STKLD1: variants seen among roughly 807,000 people sequenced by gnomAD.
The protein encoded by STKLD1 is serine/threonine kinase-like domain-containing protein STKLD1.
A neutral mutation model predicts 80.4 loss-of-function variants in STKLD1; 79 were observed. The ratio of observed to expected loss-of-function variants is 0.98; its 90% CI spans 0.82 to 1.19. The LOEUF (loss-of-function observed/expected upper bound fraction) is 1.19, where lower values mean the gene tolerates loss of function less well. Among genes scored for constraint, STKLD1 ranks in the 50% most tolerant of loss-of-function variants. The pLI is 0.00. For synonymous variants in STKLD1, 393 were observed against 357.6 expected (o/e 1.10, Z -1.12); for missense variants, 841 against 856.0 (o/e 0.98, Z 0.22).
In STKLD1 at chr9:133,389,911, A is replaced by C. The variant is rs2130285397; in HGVS notation, c.467+315A>C. 4.6e-5 allele frequency among the ~76,000 whole-genome samples: 7 copies of C among 152,342 alleles called. No individual in the cohort carries two copies. The South Asian group carries it at 1.4e-3, about 32-fold the overall frequency. On this transcript the variant is annotated intron_variant, in intron 6 of 17. Coordinates refer to ENST00000371957, the MANE Select transcript of STKLD1 (RefSeq NM_153710.5). The surrounding 1 kb of genome is among the most constrained non-coding windows in gnomAD (Gnocchi z 6.4). The stretch of plus-strand genomic sequence containing the variant: ...AGACCGGGTTGCCTGCCGTGGGGCC[A>C]GTGTGGGCTGAGTGGGCCCTGCTGA...
chr9:133,386,066 G>T (rs587720307), intron 4 of STKLD1, among the ~76,000 whole-genome samples: 1 of 152,026 alleles, frequency 6.6e-6, no homozygotes, highest in Non-Finnish European at 1.5e-5. Flanking sequence ...TTACAGGCGC[G>T]TGCCATGATG....
In STKLD1 at chr9:133,405,320, A is replaced by G; in HGVS notation, c.1942A>G (p.Thr648Ala). ...ALLQEIKERFTSSLVSDSSAF... is the reference protein window; with the variant it reads ...ALLQEIKERFASSLVSDSSAF... ...GCTCCAGGAGATCAAGGAGCGCTTC[A>G]CCTCCAGCCTGGTGAGTGACAGCAG... The change falls in exon 18 of 18, where the codon ACC (threonine) becomes GCC (alanine). Residue 648 changes from threonine (T) to alanine (A), a missense_variant. Physicochemically the swap from Thr to Ala is moderately conservative, Grantham distance 58. Transcript: ENST00000371957. 6.2e-7 allele frequency: 1 copy of G among 1,612,778 alleles called. No homozygotes were observed. Among genetic ancestry groups the G allele is most frequent in the Non-Finnish European group, 8.5e-7 (1 of 1,179,872 alleles).
Position 133,401,703 on chromosome 9 carries a change from G to A in STKLD1, c.1199-35G>A. Reference sequence around the variant, plus strand: ...GTCTGGCCCCATGCCTGAGCTGTGGGGCTAACCCCAGGCGTCTTCCTCTGG... The same window carrying A: ...GTCTGGCCCCATGCCTGAGCTGTGGAGCTAACCCCAGGCGTCTTCCTCTGG... On this transcript the variant is annotated intron_variant, in intron 12 of 17. Transcript: ENST00000371957. 10 of 1,597,646 alleles carry A rather than the reference G, an allele frequency of 6.3e-6. No individual in the cohort carries two copies. In the South Asian group the frequency reaches 6.7e-5, roughly 11 times the overall value.
At chr9:133,393,335 G>C (rs1838465415) in intron 7 of STKLD1, among the ~76,000 whole-genome samples, 1 of 136,730 alleles carries the variant, frequency 7.3e-6, no homozygotes, top group African/African-American at 2.8e-5. Flanking sequence ...TGGATGGATA[G>C]GTGGGTGGGT....
Position 133,403,684 on chromosome 9 carries a change from C to T in STKLD1, c.1475-16C>T. 6.2e-7 allele frequency: 1 copy of T among 1,610,600 alleles called. No homozygotes were observed. The highest frequency in any genetic ancestry group is 1.3e-5 in the African/African-American group (1 of 75,030). On this transcript the variant is annotated splice_polypyrimidine_tract_variant and intron_variant, in intron 14 of 17. Coordinates refer to ENST00000371957, the MANE Select transcript of STKLD1 (RefSeq NM_153710.5). ...CAAGGCCTGGGTGTCCCCTTCCATC[C>T]CTGTCCTCGTTCCAGGTATCATTGT...
chr9:133,384,042 T>C lies in STKLD1; in HGVS notation c.219+142T>C. On this transcript the variant is annotated intron_variant, in intron 3 of 17. Coordinates refer to ENST00000371957, the MANE Select transcript of STKLD1 (RefSeq NM_153710.5). This position sits in a 1 kb window ranked among gnomAD's most constrained non-coding sequence, Gnocchi z 4.3. ...ATCAGCACCAGTTTTGCCTCAGCTGTGAAGCCAGCAGCCCCAGGTCATGAA... is the reference window on the plus strand; with the variant it reads ...ATCAGCACCAGTTTTGCCTCAGCTGCGAAGCCAGCAGCCCCAGGTCATGAA... 5.2e-6 allele frequency: 4 copies of C among 765,500 alleles called. No homozygotes were observed. The highest frequency in any genetic ancestry group is 8.9e-6 in the Non-Finnish European group (4 of 451,056). 47.4% of individuals were successfully genotyped at this position (765,500 alleles called of 1,614,324 possible). A position where few individuals can be genotyped will look rare whatever the true frequency, so the allele number is the denominator to read the frequency against.
In STKLD1 at chr9:133,389,872, C is replaced by A. The variant is rs2130285313; in HGVS notation, c.467+276C>A. Among the ~76,000 whole-genome samples, 55 of 152,290 alleles carry A rather than the reference C, an allele frequency of 3.6e-4. No homozygotes were observed. The highest frequency in any genetic ancestry group is 1.2e-3 in the African/African-American group (50 of 41,552). ...TCGTGGAAAGGAAGGAGGCAAAAGCCCTGCCAAGAAGAGAGACCGGGTTGC... is the reference window on the plus strand; with the variant it reads ...TCGTGGAAAGGAAGGAGGCAAAAGCACTGCCAAGAAGAGAGACCGGGTTGC... On this transcript the variant is annotated intron_variant, in intron 6 of 17. Coordinates refer to ENST00000371957, the MANE Select transcript of STKLD1 (RefSeq NM_153710.5). This position sits in a 1 kb window ranked among gnomAD's most constrained non-coding sequence, Gnocchi z 6.4.
At chr9:133,379,692 G>A (rs1451578526) in intron 2 of STKLD1, among the ~76,000 whole-genome samples, 1 of 152,226 alleles carries the variant, frequency 6.6e-6, no homozygotes, top group Non-Finnish European at 1.5e-5. Flanking sequence ...GGGAGGTGTA[G>A]GCCTGCAGGA....
chr9:133,378,126 A>G (rs1354328098), intron 1 of STKLD1, among the ~76,000 whole-genome samples: 1 of 152,102 alleles, frequency 6.6e-6, no homozygotes, highest in African/African-American at 2.4e-5. Context: ...CCTGCTGCTC[A>G]CCTCCTGCTG....
At position 133,383,907 on chromosome 9, in the gene STKLD1, CT is replaced by C. The variant is rs2130271462; in HGVS notation, c.219+8del. On this transcript the variant is annotated splice_region_variant and intron_variant, in intron 3 of 17. Transcript: ENST00000371957. ...CAGTCAGGCCCTGGAGGAGGTAACT[CT>C]CAGGGTAGTTTTCCCTCTGGAAGAG... is the stretch of plus-strand genomic sequence containing the variant. The C allele has an allele frequency of 1.9e-6, 3 of 1,613,660 alleles. No homozygotes were observed. The African/African-American group carries it at 4.0e-5, about 22-fold the overall frequency.
intron 2 of STKLD1, 129 bp downstream of exon 2, chr9:133,379,251 G>A (rs1022033379): frequency 2.8e-5 from 21 of 740,232 alleles, no homozygotes; most frequent in East Asian, 8.3e-5. Context: ...TGACACTTGC[G>A]GAGACTAATC....
In STKLD1 at chr9:133,379,187, A is replaced by G. The variant is rs200752945; in HGVS notation, c.174+65A>G. 23 of 1,381,036 alleles carry G rather than the reference A, an allele frequency of 1.7e-5. No individual in the cohort carries two copies. In the East Asian group the frequency reaches 3.7e-4, roughly 22 times the overall value. The allele number at this position is 1,381,036 out of a possible 1,614,324, so 85.5% of individuals were successfully genotyped here. A position where few individuals can be genotyped will look rare whatever the true frequency, so the allele number is the denominator to read the frequency against. On this transcript the variant is annotated intron_variant, in intron 2 of 17. Coordinates refer to ENST00000371957, the MANE Select transcript of STKLD1 (RefSeq NM_153710.5). ...TGTGACTGTGATTTTCCCCAATACA[A>G]GCTCTTCCCATGTTGGAGAAGCTTC...
chr9:133,402,525 C>T (rs1554777869), intron 13 of STKLD1, among the ~76,000 whole-genome samples: 1 of 152,234 alleles, frequency 6.6e-6, no homozygotes. Context: ...AAATGGATGT[C>T]AGTTCATCCT....
At chr9:133,382,636 TGTG>T (rs975468553) in intron 2 of STKLD1, among the ~76,000 whole-genome samples, 2 of 149,042 alleles carry the variant, frequency 1.3e-5, no homozygotes, top group African/African-American at 5.0e-5. Context: ...GTGGTGATGA[TGTG>T]ATGATGGTGG....
rs2130275754 is a variant in STKLD1, at chr9:133,385,832, C to G, written c.294+141C>G. The G allele has an allele frequency of 2.8e-5, 20 of 719,622 alleles. No individual in the cohort carries two copies. The African/African-American group carries it at 3.1e-4, about 11-fold the overall frequency. 44.6% of individuals were successfully genotyped at this position (719,622 alleles called of 1,614,324 possible). On this transcript the variant is annotated intron_variant, in intron 4 of 17. Transcript: ENST00000371957. This position sits in a 1 kb window ranked among gnomAD's most constrained non-coding sequence, Gnocchi z 4.9. ...GCAGTGACTGTAAACGTGGCCACCC[C>G]TGACCTAACACTCACTGGGGCCAGG...
At chr9:133,393,377 T>C (rs2119228627) in intron 7 of STKLD1, among the ~76,000 whole-genome samples, 1 of 131,182 alleles carries the variant, frequency 7.6e-6, no homozygotes, top group East Asian at 2.4e-4. Flanking sequence ...GATGGATAGA[T>C]GGGTAGGTGA....
chr9:133,405,623 C>G lies in STKLD1; in HGVS notation c.*202C>G. 2 of 470,678 alleles carry G rather than the reference C, an allele frequency of 4.2e-6. No homozygotes were observed. Among genetic ancestry groups the G allele is most frequent in the Non-Finnish European group, 7.2e-6 (2 of 276,480 alleles). The allele number at this position is 470,678 out of a possible 1,614,324, so 29.2% of individuals were successfully genotyped here. ...TGCTCCTGGACCCGGGGACTGTCCA[C>G]GAAAACTGACTTGCCTGCTTCCTCC... On this transcript the variant is annotated 3_prime_UTR_variant, in exon 18 of 18. Transcript: ENST00000371957.
chr9:133,402,663 C>T (rs1049737873), intron 13 of STKLD1, among the ~76,000 whole-genome samples: 1 of 152,226 alleles, frequency 6.6e-6, no homozygotes. Flanking sequence ...AGTGGGATGG[C>T]AGCTATTGGG....
At chr9:133,404,693 C>G (rs1564386739) in intron 16 of STKLD1, 96 bp from the exon 17 acceptor site, 1 of 1,507,944 alleles carries the variant, frequency 6.6e-7, no homozygotes, top group African/African-American at 1.4e-5. Flanking sequence ...GTCCCAGGCC[C>G]CTGTGTGAGC....
Sources: allele counts gnomAD v4.1 joint callset (sites outside exome capture counted in the v4.1 genomes callset), GRCh38; gene constraint gnomAD v4.1.1; non-coding constraint Gnocchi (gnomAD v3.1); transcripts MANE v1.5; gene names NCBI Gene and HGNC (gene_info 2026-07-23, HGNC 2026-07-21).